The following SRGAP2 variants were observed in gnomAD, a reference collection of about 807,000 sequenced individuals.
SRGAP2 encodes SLIT-ROBO Rho GTPase-activating protein 2.
Under a neutral mutation model 57.2 loss-of-function variants are expected in SRGAP2, and 15 were observed. The ratio of observed to expected loss-of-function variants is 0.26; its 90% confidence interval spans 0.18 to 0.40. The LOEUF (loss-of-function observed/expected upper bound fraction) is 0.40, where lower values mean the gene tolerates loss of function less well. Among genes scored for constraint, SRGAP2 ranks in the 10% least tolerant of loss-of-function variants. The pLI, the probability that SRGAP2 is intolerant of heterozygous loss-of-function variation, is 1.00. For missense variants in SRGAP2, 520 were observed against 669.6 expected (o/e 0.78, Z 2.47); for synonymous variants, 249 against 248.0 (o/e 1.00, Z -0.04).
rs201500952 is a variant in SRGAP2, at chr1:206,203,845, T to C, written c.-543+195T>C. On this transcript the variant is annotated intron_variant, in intron 1 of 22. Coordinates refer to ENST00000573034, the MANE Select transcript of SRGAP2 (RefSeq NM_015326.5). ...ATCTCCCAGTACAGCCCATAATACTTCTCAGGACTGCGAGTCTCTCCGCCC... is the reference window on the plus strand; with the variant it reads ...ATCTCCCAGTACAGCCCATAATACTCCTCAGGACTGCGAGTCTCTCCGCCC... The C allele has an allele frequency of 1.6e-4, 246 of 1,507,022 alleles. 1 individual carries two copies. Among genetic ancestry groups the C allele is most frequent in the Middle Eastern group, 4.8e-4 (2 of 4,160 alleles). The allele number at this position is 1,507,022 out of a possible 1,614,324, so 93.4% of individuals were successfully genotyped here.
In SRGAP2 at chr1:206,462,720, A is replaced by G. The variant is rs999433106; in HGVS notation, c.*1300A>G. On this transcript the variant is annotated 3_prime_UTR_variant, in exon 23 of 23. Transcript: ENST00000573034. ...GGCTCTCAAGTCTTCCCAAGGCCAG[A>G]ATCGAAAGAAAATTAAAATTTGAAT... 9 of 152,188 alleles carry G rather than the reference A, an allele frequency of 5.9e-5. No individual in the cohort carries two copies. The highest frequency in any genetic ancestry group is 5.9e-5 in the Non-Finnish European group (4 of 68,016). 9.4% of individuals were successfully genotyped at this position (152,188 alleles called of 1,614,324 possible). A position where few individuals can be genotyped will look rare whatever the true frequency, so the allele number is the denominator to read the frequency against.
chr1:206,464,339 A>C lies in SRGAP2; in HGVS notation c.*2919A>C, dbSNP rs1558465545. 6.6e-6 allele frequency: 1 copy of C among 152,656 alleles called. No individual in the cohort carries two copies. Among genetic ancestry groups the C allele is most frequent in the Non-Finnish European group, 1.5e-5 (1 of 68,040 alleles). The allele number at this position is 152,656 out of a possible 1,614,324, so 9.5% of individuals were successfully genotyped here. A position where few individuals can be genotyped will look rare whatever the true frequency, so the allele number is the denominator to read the frequency against. On this transcript the variant is annotated 3_prime_UTR_variant, in exon 23 of 23. Coordinates refer to ENST00000573034, the MANE Select transcript of SRGAP2 (RefSeq NM_015326.5). Reference sequence around the variant, plus strand: ...ACTGGAATATTGTATGTATGCTTGGAGATGCTTTGTGTGAACCTAAGACTG... The same window carrying C: ...ACTGGAATATTGTATGTATGCTTGGCGATGCTTTGTGTGAACCTAAGACTG...
intron 10 of SRGAP2, among the ~76,000 whole-genome samples, chr1:206,410,358 C>T (rs550792570): frequency 6.6e-6 from 1 of 152,318 alleles, no homozygotes; most frequent in Non-Finnish European, 1.5e-5. Context: ...TCATCAATGT[C>T]TACTTTTTAC....
At chr1:206,452,885 C>CAAAAAAAAA (rs1166978056) in intron 19 of SRGAP2, among the ~76,000 whole-genome samples, 1 of 62,120 alleles carries the variant, frequency 1.6e-5, no homozygotes. Context: ...GACTCCATCC[C>CAAAAAAAAA]AAAAAAAAAA....
chr1:206,323,568 C>CCAGCATCAGCAT (rs139398330), intron 3 of SRGAP2, among the ~76,000 whole-genome samples: 4 of 150,890 alleles, frequency 2.7e-5, no homozygotes, highest in Admixed American at 6.6e-5. Context: ...AACCAAGAAT[C>CCAGCATCAGCAT]CAGCATCAGC....
chr1:206,420,525 G>A (rs1328738452), intron 12 of SRGAP2, among the ~76,000 whole-genome samples: 1 of 152,158 alleles, frequency 6.6e-6, no homozygotes, highest in Non-Finnish European at 1.5e-5. Flanking sequence ...GAAGACCAGA[G>A]CACTCCACTA....
intron 15 of SRGAP2, 110 bp downstream of exon 15, chr1:206,437,152 T>C: frequency 1.4e-6 from 1 of 738,970 alleles, no homozygotes; most frequent in Non-Finnish European, 2.5e-6. Context: ...CCAACTTCCC[T>C]GTCTCTTCAG....
chr1:206,419,749 A>G (rs1660126783), intron 12 of SRGAP2, among the ~76,000 whole-genome samples: 1 of 152,034 alleles, frequency 6.6e-6, no homozygotes, highest in Non-Finnish European at 1.5e-5. Context: ...CTAGACTTCA[A>G]CATAGGGGCT....
chr1:206,314,105 G>GT (rs797022788), intron 3 of SRGAP2, among the ~76,000 whole-genome samples: 28,976 of 138,292 alleles, frequency 0.21, 3,533 homozygotes, highest in East Asian at 0.52. Context: ...TGTTTTTTTT[G>GT]TTTTTTTTTT....
intron 17 of SRGAP2, among the ~76,000 whole-genome samples, chr1:206,443,072 TTA>T (rs1662452564): frequency 6.6e-6 from 1 of 152,128 alleles, no homozygotes; most frequent in East Asian, 1.9e-4. Context: ...CATTAAAAAG[TTA>T]AAAATCCAGA....
intron 4 of SRGAP2, among the ~76,000 whole-genome samples, chr1:206,359,798 C>A (rs1489395738): frequency 1.4e-5 from 1 of 70,228 alleles, no homozygotes; most frequent in East Asian, 4.9e-4. Flanking sequence ...GGATATTGCT[C>A]TTTTTTTTTT....
intron 2 of SRGAP2, among the ~76,000 whole-genome samples, chr1:206,275,809 G>A (rs1343611195): frequency 6.6e-6 from 1 of 151,968 alleles, no homozygotes. Flanking sequence ...TAGAGACGGG[G>A]CTTCACCACA....
chr1:206,389,483 C>T (rs1444253973), intron 5 of SRGAP2, among the ~76,000 whole-genome samples: 3 of 152,022 alleles, frequency 2.0e-5, no homozygotes, highest in African/African-American at 4.8e-5. Context: ...GGCCTGTTCT[C>T]AGACTTTCAA....
intron 2 of SRGAP2, among the ~76,000 whole-genome samples, chr1:206,208,696 G>T (rs1459078711): frequency 2.0e-5 from 3 of 152,194 alleles, no homozygotes; most frequent in Non-Finnish European, 4.4e-5. Context: ...GAAGCCCTGG[G>T]TCAGAATTAT....
rs368717284 is a variant in SRGAP2 at position 206,427,610 on chromosome 1, T to A, written c.1495-2552T>A. ...TGCTTGCCTAATAGTGGCCAAACCCTATGGCTACAGTGGCAAATTCAGAGC... is the reference window on the plus strand; with the variant it reads ...TGCTTGCCTAATAGTGGCCAAACCCAATGGCTACAGTGGCAAATTCAGAGC... On this transcript the variant is annotated intron_variant, in intron 13 of 22. Coordinates refer to ENST00000573034, the MANE Select transcript of SRGAP2 (RefSeq NM_015326.5). Among the ~76,000 whole-genome samples, 13 of 152,148 alleles carry A rather than the reference T, an allele frequency of 8.5e-5. 1 individual carries two copies. The highest frequency in any genetic ancestry group is 7.9e-4 in the Admixed American group (12 of 15,282).
At chr1:206,220,820 G>C (rs1553304511) in intron 2 of SRGAP2, among the ~76,000 whole-genome samples, 1 of 152,168 alleles carries the variant, frequency 6.6e-6, no homozygotes, top group Non-Finnish European at 1.5e-5. Context: ...ATAGCTACTG[G>C]AGTGTTCTTT....
Position 206,401,426 on chromosome 1 carries a change from T to C in SRGAP2, c.837T>C (p.Cys279=), listed in dbSNP as rs1553355438. 1 of 697,638 alleles carries C rather than the reference T, an allele frequency of 1.4e-6. No individual in the cohort carries two copies. The highest frequency in any genetic ancestry group is 2.7e-6 in the Non-Finnish European group (1 of 376,044). 43.2% of individuals were successfully genotyped at this position (697,638 alleles called of 1,614,324 possible). A position where few individuals can be genotyped will look rare whatever the true frequency, so the allele number is the denominator to read the frequency against. Reference sequence around the variant, plus strand: ...GTGCCTTCTCCTTCCCACAGCAGTGTTGTGACTTAGGCTACCATGCAAGTC... The same window carrying C: ...GTGCCTTCTCCTTCCCACAGCAGTGCTGTGACTTAGGCTACCATGCAAGTC... ...IHDLSDLIDQ[C]CDLGYHASLN... Residue 279 remains cysteine (C), a synonymous_variant, in exon 8 of 23, where the codon TGT becomes TGC. Transcript: ENST00000573034.
intron 10 of SRGAP2, among the ~76,000 whole-genome samples, chr1:206,414,981 A>G (rs1553361000): frequency 6.6e-6 from 1 of 152,212 alleles, no homozygotes; most frequent in Admixed American, 6.5e-5. Context: ...TTAAGAGCAC[A>G]TGCTGTATTG....
intron 2 of SRGAP2, among the ~76,000 whole-genome samples, chr1:206,244,860 C>A (rs1668449378): frequency 6.6e-6 from 1 of 151,360 alleles, no homozygotes; most frequent in Admixed American, 6.6e-5. Flanking sequence ...AGCCTCATTT[C>A]ACCACCTCTC....
Sources: allele counts gnomAD v4.1 joint callset (sites outside exome capture counted in the v4.1 genomes callset), GRCh38; gene constraint gnomAD v4.1.1; transcripts MANE v1.5; gene names NCBI Gene and HGNC (gene_info 2026-07-23, HGNC 2026-07-21).